Variants in RASSF8 observed in about 807,000 individuals in gnomAD.
The protein encoded by RASSF8 is ras association domain-containing protein 8.
A neutral mutation model predicts 48.5 loss-of-function variants in RASSF8; 22 were observed. The ratio of observed to expected loss-of-function variants is 0.45; its 90% CI spans 0.32 to 0.65. The LOEUF (loss-of-function observed/expected upper bound fraction) is 0.65, where lower values mean the gene tolerates loss of function less well. RASSF8 is among the 30% of genes least tolerant of loss of function. The pLI is 0.03. For missense variants in RASSF8, 418 were observed against 489.2 expected (o/e 0.85, Z 1.37); for synonymous variants, 127 against 171.5 (o/e 0.74, Z 2.03).
At chr12:26,064,259 G>A (rs1943812374) in intron 3 of RASSF8, among the ~76,000 whole-genome samples, 1 of 152,154 alleles carries the variant, frequency 6.6e-6, no homozygotes, top group Non-Finnish European at 1.5e-5. Flanking sequence ...AAAGTATAAA[G>A]TTGAATTTCT....
At chr12:26,051,511 A>G (rs142984283) in intron 2 of RASSF8, among the ~76,000 whole-genome samples, 140 of 152,348 alleles carry the variant, frequency 9.2e-4, no homozygotes, top group Non-Finnish European at 1.6e-3. Context: ...ATAAACATTA[A>G]ATATAAACAT....
In RASSF8 at chr12:26,043,998, T is replaced by G. The variant is rs575003163; in HGVS notation, c.-108-11238T>G. Among the ~76,000 whole-genome samples, 4 of 152,322 alleles carry G rather than the reference T, an allele frequency of 2.6e-5. No individual in the cohort carries two copies. The East Asian group carries it at 5.8e-4, about 22-fold the overall frequency. Reference sequence around the variant, plus strand: ...TGTTCACTTTGTGAAAATTCATAACTTAAGATTTCTGAATTTTTCTGTATG... The same window carrying G: ...TGTTCACTTTGTGAAAATTCATAACGTAAGATTTCTGAATTTTTCTGTATG... On this transcript the variant is annotated intron_variant, in intron 2 of 5. Coordinates refer to ENST00000689635, the MANE Select transcript of RASSF8 (RefSeq NM_001394098.1).
intron 2 of RASSF8, among the ~76,000 whole-genome samples, chr12:26,021,694 G>GT (rs1351171107): frequency 4.6e-5 from 7 of 152,254 alleles, no homozygotes; most frequent in Admixed American, 3.3e-4. Flanking sequence ...TACCTTGCTT[G>GT]TAAGGGAGAG....
At chr12:25,959,273 C>G (rs890602527) in intron 1 of RASSF8, 125 bp downstream of exon 1, 12 of 152,326 alleles carry the variant, frequency 7.9e-5, no homozygotes, top group Admixed American at 6.5e-5. Flanking sequence ...GGTACCTCGT[C>G]CGTTCCGCCC....
At chr12:25,999,224 C>A (rs181663529) in intron 2 of RASSF8, among the ~76,000 whole-genome samples, 9 of 152,286 alleles carry the variant, frequency 5.9e-5, no homozygotes, top group African/African-American at 2.2e-4. Flanking sequence ...TAATTTCAAA[C>A]CCAAATTAGT....
chr12:26,040,239 T>G (rs1297129260), intron 2 of RASSF8, among the ~76,000 whole-genome samples: 1 of 152,240 alleles, frequency 6.6e-6, no homozygotes, highest in Non-Finnish European at 1.5e-5. Flanking sequence ...TTTAGTGTGA[T>G]AGCTAAACGC....
intron 1 of RASSF8, among the ~76,000 whole-genome samples, chr12:25,971,715 G>T (rs1941489943): frequency 6.6e-6 from 1 of 152,216 alleles, no homozygotes; most frequent in African/African-American, 2.4e-5. Flanking sequence ...ATTGGCAGAT[G>T]CAATGGCATT....
intron 2 of RASSF8, among the ~76,000 whole-genome samples, chr12:26,045,913 G>A (rs553650751): frequency 1.3e-5 from 2 of 152,208 alleles, no homozygotes; most frequent in Non-Finnish European, 2.9e-5. Context: ...CATCTCTTAC[G>A]TAGACAAAAA....
intron 2 of RASSF8, among the ~76,000 whole-genome samples, chr12:26,053,349 A>G (rs985830135): frequency 1.3e-5 from 2 of 152,164 alleles, no homozygotes; most frequent in African/African-American, 2.4e-5. Context: ...CTTTTACAAA[A>G]ATTTAATAAA....
chr12:26,021,029 C>G (rs1942775571), intron 2 of RASSF8, among the ~76,000 whole-genome samples: 1 of 152,120 alleles, frequency 6.6e-6, no homozygotes, highest in South Asian at 2.1e-4. Flanking sequence ...ATGTAAAAAT[C>G]TAGGAGAATT....
chr12:25,976,955 A>G (rs945671094), intron 1 of RASSF8, among the ~76,000 whole-genome samples: 3 of 152,188 alleles, frequency 2.0e-5, no homozygotes, highest in African/African-American at 7.2e-5. Context: ...CCTGGTCCAC[A>G]GTTTATCCCC....
chr12:26,073,779 A>C, downstream of RASSF8, among the ~76,000 whole-genome samples: 1 of 94,480 alleles, frequency 1.1e-5, no homozygotes, highest in Admixed American at 1.1e-4. Context: ...ACACACACAT[A>C]TATATATACA....
rs931023322 is a variant in RASSF8, at chr12:26,058,526, GCA to G, written c.103+3082_103+3083del. On this transcript the variant is annotated intron_variant, in intron 3 of 5. Transcript: ENST00000689635. The stretch of plus-strand genomic sequence containing the variant: ...CCTCATGGGGGCACTACACACATGC[GCA>G]CGCGCGCGCGCACACACACACACAC... 2.7e-4 allele frequency among the ~76,000 whole-genome samples: 17 copies of G among 63,878 alleles called. No homozygotes were observed. In the South Asian group the frequency reaches 6.9e-3, roughly 26 times the overall value. 41.9% of individuals were successfully genotyped at this position (63,878 alleles called of 152,430 possible). A position where few individuals can be genotyped will look rare whatever the true frequency, so the allele number is the denominator to read the frequency against.
chr12:26,050,742 G>A (rs963882907), intron 2 of RASSF8, among the ~76,000 whole-genome samples: 1 of 152,208 alleles, frequency 6.6e-6, no homozygotes, highest in African/African-American at 2.4e-5. Flanking sequence ...AGCTGGATGT[G>A]ATTTTCCAAA....
rs1943962275 is a variant in RASSF8, at chr12:26,069,789, CAT to C, written c.*972_*973del. 2.0e-6 allele frequency: 2 copies of C among 985,016 alleles called. No homozygotes were observed. Among genetic ancestry groups the C allele is most frequent in the South Asian group, 9.4e-5 (2 of 21,286 alleles). The allele number at this position is 985,016 out of a possible 1,614,324, so 61.0% of individuals were successfully genotyped here. On this transcript the variant is annotated 3_prime_UTR_variant, in exon 6 of 6. Coordinates refer to ENST00000689635, the MANE Select transcript of RASSF8 (RefSeq NM_001394098.1). ...ATGTATGATCTGTTGGTGTACACACCATGGGTAAGGTATTGCTTGCACATAAT... is the reference window on the plus strand; with the variant it reads ...ATGTATGATCTGTTGGTGTACACACCGGGTAAGGTATTGCTTGCACATAAT...
chr12:26,014,761 A>G (rs1239279023), intron 2 of RASSF8, among the ~76,000 whole-genome samples: 1 of 152,198 alleles, frequency 6.6e-6, no homozygotes, highest in Non-Finnish European at 1.5e-5. Flanking sequence ...AAAAATGCTA[A>G]TCCTTTGAGA....
At chr12:25,973,872 CAA>C (rs1941541188) in intron 1 of RASSF8, 1 of 152,184 alleles carries the variant, frequency 6.6e-6, no homozygotes, top group South Asian at 2.1e-4. Context: ...GTGAGAAATA[CAA>C]GTTTCTGTTA....
chr12:25,963,498 C>T (rs986826349), intron 1 of RASSF8, among the ~76,000 whole-genome samples: 3 of 152,316 alleles, frequency 2.0e-5, no homozygotes, highest in African/African-American at 7.2e-5. Context: ...CATAATTCTG[C>T]ATTTTTCTCT....
intron 2 of RASSF8, among the ~76,000 whole-genome samples, chr12:26,032,329 G>C (rs960967590): frequency 1.3e-5 from 2 of 152,162 alleles, no homozygotes; most frequent in African/African-American, 4.8e-5. Flanking sequence ...TTAAAATTCT[G>C]TGTATGTTTT....
Sources: gnomAD v4.1 joint callset for allele counts (sites outside exome capture counted in the v4.1 genomes callset) on GRCh38, gnomAD v4.1.1 for gene constraint, MANE v1.5 for transcripts, NCBI Gene and HGNC (gene_info 2026-07-23, HGNC 2026-07-21) for gene names.